Variants in LY6E observed in about 807,000 individuals in gnomAD.
The protein encoded by LY6E is lymphocyte antigen 6E.
In LY6E, 4 loss-of-function variants were observed where a neutral mutation model predicts 7.7. The ratio of observed to expected loss-of-function variants is 0.52; its 90% CI spans 0.25 to 1.18. LY6E has a LOEUF of 1.18. Ranked by LOEUF, LY6E falls within the 50% of genes most tolerant of loss-of-function variation. The probability of loss-of-function intolerance (pLI) is 0.14; values close to 1 mark genes in which losing one functional copy is unlikely to be tolerated. For synonymous variants in LY6E, 81 were observed against 80.1 expected (o/e 1.01, Z -0.06); for missense variants, 156 against 168.0 (o/e 0.93, Z 0.40).
chr8:143,019,305 C>T (rs1819152487), intron 1 of LY6E, among the ~76,000 whole-genome samples: 1 of 152,210 alleles, frequency 6.6e-6, no homozygotes, highest in East Asian at 1.9e-4. Flanking sequence ...GCGCCCCCCA[C>T]GGCCTGCCGG....
Position 143,021,732 on chromosome 8 carries a change from G to C in LY6E, c.339G>C (p.Leu113=). 6.2e-7 allele frequency: 1 copy of C among 1,612,774 alleles called. No individual in the cohort carries two copies. The highest frequency in any genetic ancestry group is 1.1e-5 in the South Asian group (1 of 91,068). The part of the protein sequence containing the change: ...ADGGLRASVT[L]LGAGLLLSLL... ...GCGGGCTGCGGGCAAGCGTCACCCT[G>C]CTGGGTGCCGGGCTGCTGCTGAGCC... The change falls in exon 4 of 4, where the codon CTG becomes CTC. Residue 113 remains leucine, a synonymous_variant. Coordinates refer to ENST00000292494, the MANE Select transcript of LY6E (RefSeq NM_002346.3).
chr8:143,019,175 C>G (rs1216595369), intron 1 of LY6E: 1 of 152,300 alleles, frequency 6.6e-6, no homozygotes, highest in Admixed American at 6.5e-5. Flanking sequence ...CTCCCCGTTC[C>G]GGGACACAGG....
chr8:143,021,527 C>A, intron 3 of LY6E, 39 bp from the exon 4 acceptor site: 2 of 1,612,678 alleles, frequency 1.2e-6, no homozygotes, highest in East Asian at 2.2e-5. Flanking sequence ...CTGTCTGCAG[C>A]CGTCTGTCTC....
Position 143,022,051 on chromosome 8 carries a change from G to A in LY6E, c.*262G>A, listed in dbSNP as rs917820304. The A allele has an allele frequency of 2.3e-5, 13 of 565,262 alleles. No individual in the cohort carries two copies. Among genetic ancestry groups the A allele is most frequent in the African/African-American group, 1.1e-4 (6 of 53,280 alleles). The allele number at this position is 565,262 out of a possible 1,614,324, so 35.0% of individuals were successfully genotyped here. A position where few individuals can be genotyped will look rare whatever the true frequency, so the allele number is the denominator to read the frequency against. ...GGACGAGGGTTCCCTGGAGTCTTACGGTCCAACATCAGGACCAAGTCCCAT... is the reference window on the plus strand; with the variant it reads ...GGACGAGGGTTCCCTGGAGTCTTACAGTCCAACATCAGGACCAAGTCCCAT... On this transcript the variant is annotated 3_prime_UTR_variant, in exon 4 of 4. Transcript: ENST00000292494.
intron 2 of LY6E, 117 bp downstream of exon 2, chr8:143,021,108 G>A: frequency 2.3e-6 from 3 of 1,297,316 alleles, no homozygotes; most frequent in Non-Finnish European, 3.2e-6. Context: ...TCCCAGCAGA[G>A]GGCTCACCCG....
Position 143,021,689 on chromosome 8 carries a change from A to G in LY6E, c.296A>G (p.Asn99Ser), listed in dbSNP as rs1490464656. 14 of 1,613,612 alleles carry G rather than the reference A, an allele frequency of 8.7e-6. No homozygotes were observed. Among genetic ancestry groups the G allele is most frequent in the Non-Finnish European group, 1.2e-5 (14 of 1,180,002 alleles). Residue 99 changes from asparagine to serine, a missense_variant, in exon 4 of 4, where the codon AAT (asparagine) becomes AGT (serine). Transcript: ENST00000292494. ...AGCTGCTGCCAGAGCTTTCTGTGCA[A>G]TTTCAGTGCGGCCGATGGCGGGCTG... The part of the protein sequence containing the change: ...GISCCQSFLC[N>S]FSAADGGLRA...
chr8:143,019,974 G>A (rs1216581234), intron 1 of LY6E, among the ~76,000 whole-genome samples: 1 of 152,224 alleles, frequency 6.6e-6, no homozygotes, highest in Non-Finnish European at 1.5e-5. Context: ...CCTGCTGGTG[G>A]GACCAGTGGC....
rs1319663804 is a variant in LY6E, at chr8:143,020,925, G to A, written c.-15G>A. ...TGGTTTGTGACCTCCAGGCAGGACGGCCATCCTCTCCAGAATGAAGATCTT... is the reference window on the plus strand; with the variant it reads ...TGGTTTGTGACCTCCAGGCAGGACGACCATCCTCTCCAGAATGAAGATCTT... On this transcript the variant is annotated 5_prime_UTR_variant, in exon 2 of 4. Coordinates refer to ENST00000292494, the MANE Select transcript of LY6E (RefSeq NM_002346.3). 3 of 1,613,594 alleles carry A rather than the reference G, an allele frequency of 1.9e-6. No individual in the cohort carries two copies. In the East Asian group the frequency reaches 6.7e-5, roughly 36 times the overall value.
chr8:143,019,115 T>A (rs1027433385), intron 1 of LY6E: 1 of 152,382 alleles, frequency 6.6e-6, no homozygotes, highest in African/African-American at 2.4e-5. Flanking sequence ...CTGGTGGTGC[T>A]TGCGGTGAGG....
intron 2 of LY6E, 103 bp downstream of exon 2, chr8:143,021,094 C>A: frequency 1.5e-6 from 2 of 1,374,974 alleles, no homozygotes; most frequent in Non-Finnish European, 2.0e-6. Flanking sequence ...TCCTTCCAGG[C>A]CGCTCCCAGC....
chr8:143,021,216 G>A, intron 2 of LY6E, 98 bp from the exon 3 acceptor site: 7 of 1,517,338 alleles, frequency 4.6e-6, no homozygotes, highest in Non-Finnish European at 6.2e-6. Context: ...TCAGCCCAGG[G>A]CCTGGTATAC....
In LY6E at chr8:143,021,816, C is replaced by T. The variant is rs1240232739; in HGVS notation, c.*27C>T. On this transcript the variant is annotated 3_prime_UTR_variant, in exon 4 of 4. Coordinates refer to ENST00000292494, the MANE Select transcript of LY6E (RefSeq NM_002346.3). ...CGCCCAGACCCTGTCCCCCGATCCC[C>T]CAGCTCAGGAAGGAAAGCCCAGCCC... The T allele has an allele frequency of 1.3e-6, 2 of 1,566,818 alleles. No individual in the cohort carries two copies. The highest frequency in any genetic ancestry group is 1.7e-6 in the Non-Finnish European group (2 of 1,158,858).
intron 1 of LY6E, 58 bp downstream of exon 1, chr8:143,018,644 C>T (rs1819130541): frequency 1.3e-5 from 2 of 150,664 alleles, no homozygotes; most frequent in South Asian, 4.1e-4. Context: ...CGCGCTCAGA[C>T]CCGGCGGCCT....
chr8:143,022,205 G>A lies in LY6E; in HGVS notation c.*416G>A. Reference sequence around the variant, plus strand: ...GGGCCATGTTTGGGGAGGGAGGTGTGCCAGCAGCCTGGAGAGCCTCAGTCC... The same window carrying A: ...GGGCCATGTTTGGGGAGGGAGGTGTACCAGCAGCCTGGAGAGCCTCAGTCC... On this transcript the variant is annotated 3_prime_UTR_variant, in exon 4 of 4. Transcript: ENST00000292494. The A allele has an allele frequency of 4.6e-6, 1 of 217,304 alleles. No individual in the cohort carries two copies. The allele number at this position is 217,304 out of a possible 1,614,324, so 13.5% of individuals were successfully genotyped here.
At chr8:143,019,328 G>A (rs897312228) in intron 1 of LY6E, among the ~76,000 whole-genome samples, 2 of 152,200 alleles carry the variant, frequency 1.3e-5, no homozygotes, top group East Asian at 1.9e-4. Flanking sequence ...GGCTCCCTCC[G>A]GGCTCCATGG....
At position 143,020,890 on chromosome 8, in the gene LY6E, C is replaced by T. The variant is rs1312515468; in HGVS notation, c.-50C>T. ...ACCAGTGTGTCTCTCCAGAGCAGGA[C>T]AGGCTGCTTTGGTTTGTGACCTCCA... On this transcript the variant is annotated 5_prime_UTR_variant, in exon 2 of 4. Coordinates refer to ENST00000292494, the MANE Select transcript of LY6E (RefSeq NM_002346.3). The T allele has an allele frequency of 6.4e-7, 1 of 1,571,902 alleles. No homozygotes were observed. The highest frequency in any genetic ancestry group is 8.7e-7 in the Non-Finnish European group (1 of 1,143,978).
chr8:143,021,329 G>A lies in LY6E; in HGVS notation c.68G>A (p.Cys23Tyr). ...CCTTCCGCAGCCAGCTCGCTGATGT[G>A]CTTCTCCTGCTTGAACCAGAAGAGC... Reference protein sequence around the residue: ...LGVERASSLMCFSCLNQKSNL... With the variant: ...LGVERASSLMYFSCLNQKSNL... Residue 23 changes from cysteine (C) to tyrosine (Y), a missense_variant, in exon 3 of 4, where the codon TGC becomes TAC. By Grantham distance (194) the Cys-to-Tyr change is radical (BLOSUM62 -2). Coordinates refer to ENST00000292494, the MANE Select transcript of LY6E (RefSeq NM_002346.3). 6.2e-7 allele frequency: 1 copy of A among 1,613,752 alleles called. No homozygotes were observed. Among genetic ancestry groups the A allele is most frequent in the Non-Finnish European group, 8.5e-7 (1 of 1,179,994 alleles).
In LY6E at chr8:143,021,587, A is replaced by C; in HGVS notation, c.194A>C (p.His65Pro). The C allele has an allele frequency of 6.2e-7, 1 of 1,613,952 alleles. No homozygotes were observed. The highest frequency in any genetic ancestry group is 8.5e-7 in the Non-Finnish European group (1 of 1,180,026). Residue 65 changes from histidine (H) to proline (P), a missense_variant, in exon 4 of 4, where the codon CAC becomes CCC. His to Pro is a moderately conservative substitution (Grantham distance 77). Coordinates refer to ENST00000292494, the MANE Select transcript of LY6E (RefSeq NM_002346.3). ...AGIGNLVTFGHSLSKTCSPAC... is the reference protein window; with the variant it reads ...AGIGNLVTFGPSLSKTCSPAC... ...GCAGGGAATCTCGTGACATTTGGCC[A>C]CAGCCTGAGCAAGACCTGTTCCCCG...
Position 143,021,919 on chromosome 8 carries a change from A to AC in LY6E, c.*135dup. 1.3e-6 allele frequency: 1 copy of AC among 784,566 alleles called. No individual in the cohort carries two copies. Among genetic ancestry groups the AC allele is most frequent in the Non-Finnish European group, 2.0e-6 (1 of 505,030 alleles). The allele number at this position is 784,566 out of a possible 1,614,324, so 48.6% of individuals were successfully genotyped here. On this transcript the variant is annotated 3_prime_UTR_variant, in exon 4 of 4. Coordinates refer to ENST00000292494, the MANE Select transcript of LY6E (RefSeq NM_002346.3). ...GTGCCCTTGGTCCCAGGTCAGGCCC[A>AC]CCCCCTGCACCTCCACCTGCCCCAG...
Sources: gnomAD v4.1 joint callset for allele counts (sites outside exome capture counted in the v4.1 genomes callset) on GRCh38, gnomAD v4.1.1 for gene constraint, MANE v1.5 for transcripts, NCBI Gene and HGNC (gene_info 2026-07-23, HGNC 2026-07-21) for gene names.